BMAL2: variants seen among roughly 807,000 people sequenced by gnomAD.
BMAL2 encodes the protein basic helix-loop-helix ARNT-like protein 2.
chr12:27,397,629 A>T, the BMAL2 span, among the ~76,000 whole-genome samples: 2 of 152,220 alleles, frequency 1.3e-5, no homozygotes, highest in Admixed American at 6.5e-5. Flanking sequence ...AAGATTTTTT[A>T]AAAATAACAT....
the BMAL2 span, among the ~76,000 whole-genome samples, chr12:27,336,312 A>G: frequency 5.3e-5 from 8 of 152,076 alleles, no homozygotes; most frequent in Non-Finnish European, 1.0e-4. Flanking sequence ...TACTACCTGT[A>G]GTGGCTCCCC....
At chr12:27,409,487 A>C in the BMAL2 span, among the ~76,000 whole-genome samples, 1 of 152,264 alleles carries the variant, frequency 6.6e-6, no homozygotes, top group Non-Finnish European at 1.5e-5. Context: ...AAAAAGAAGA[A>C]ATGGGGAAAG....
At chr12:27,377,021 A>T in the BMAL2 span, among the ~76,000 whole-genome samples, 1 of 148,350 alleles carries the variant, frequency 6.7e-6, no homozygotes, top group African/African-American at 2.5e-5. Flanking sequence ...AAAAAAAAAA[A>T]AAAGAAACCC....
At chr12:27,412,078 G>A in the BMAL2 span, among the ~76,000 whole-genome samples, 1 of 152,172 alleles carries the variant, frequency 6.6e-6, no homozygotes, top group Non-Finnish European at 1.5e-5. Context: ...TGGATAACCA[G>A]TTTTCCCATA....
At chr12:27,415,210 G>A in the BMAL2 span, among the ~76,000 whole-genome samples, 1 of 152,210 alleles carries the variant, frequency 6.6e-6, no homozygotes, top group Non-Finnish European at 1.5e-5. Context: ...TGCTAGGAGA[G>A]TAGGTTTTAG....
the BMAL2 span, chr12:27,422,211 C>T: frequency 2.6e-5 from 4 of 152,112 alleles, no homozygotes; most frequent in Non-Finnish European, 5.9e-5. Context: ...CATATTTTCT[C>T]TCTCGTGCCT....
chr12:27,391,492 A>G, the BMAL2 span, among the ~76,000 whole-genome samples: 2 of 152,206 alleles, frequency 1.3e-5, no homozygotes, highest in Admixed American at 6.5e-5. Context: ...CAGTGCTGCA[A>G]TGAACATACA....
chr12:27,363,342 G>A, the BMAL2 span, among the ~76,000 whole-genome samples: 1 of 152,162 alleles, frequency 6.6e-6, no homozygotes, highest in African/African-American at 2.4e-5. Flanking sequence ...ATACCTAGGA[G>A]GGGAATGCCA....
At chr12:27,386,302 A>G in the BMAL2 span, among the ~76,000 whole-genome samples, 1 of 152,172 alleles carries the variant, frequency 6.6e-6, no homozygotes, top group African/African-American at 2.4e-5. Context: ...CAATCTGTAC[A>G]TGCTCGTCAG....
the BMAL2 span, among the ~76,000 whole-genome samples, chr12:27,377,797 TA>T: frequency 6.6e-6 from 1 of 152,132 alleles, no homozygotes; most frequent in Non-Finnish European, 1.5e-5. Context: ...TATGAGTAGA[TA>T]ACTGAATTTT....
chr12:27,373,977 A>G, the BMAL2 span, among the ~76,000 whole-genome samples: 4 of 152,232 alleles, frequency 2.6e-5, no homozygotes, highest in South Asian at 2.1e-4. Context: ...GATTTGTGCT[A>G]CAAACAAAGA....
At chr12:27,343,154 A>T in the BMAL2 span, among the ~76,000 whole-genome samples, 6,048 of 152,346 alleles carry the variant, frequency 0.04, 414 homozygotes, top group East Asian at 0.34. Flanking sequence ...TATTAAAGCC[A>T]TAAATATCAC....
At chr12:27,408,940 T>C in the BMAL2 span, among the ~76,000 whole-genome samples, 1 of 152,218 alleles carries the variant, frequency 6.6e-6, no homozygotes, top group African/African-American at 2.4e-5. Flanking sequence ...AGCATTCTTA[T>C]ACAACAATAA....
At chr12:27,371,378 A>G in the BMAL2 span, among the ~76,000 whole-genome samples, 6 of 152,264 alleles carry the variant, frequency 3.9e-5, no homozygotes, top group East Asian at 1.2e-3. Context: ...ACAGGAGAGA[A>G]GAAGAGAGTC....
At chr12:27,418,620 T>G in the BMAL2 span, among the ~76,000 whole-genome samples, 2 of 151,324 alleles carry the variant, frequency 1.3e-5, no homozygotes, top group African/African-American at 4.9e-5. Context: ...AAAAAGTAAA[T>G]AAATAAATAA....
the BMAL2 span, among the ~76,000 whole-genome samples, chr12:27,391,586 C>T: frequency 6.6e-6 from 1 of 152,208 alleles, no homozygotes; most frequent in African/African-American, 2.4e-5. Flanking sequence ...AATGGTAGCT[C>T]TATTTTAAGT....
the BMAL2 span, among the ~76,000 whole-genome samples, chr12:27,415,518 G>A: frequency 6.6e-6 from 1 of 152,052 alleles, no homozygotes; most frequent in South Asian, 2.1e-4. Flanking sequence ...CCTTACTCTT[G>A]GTTCTGCCAT....
chr12:27,396,397 C>A, the BMAL2 span, among the ~76,000 whole-genome samples: 1 of 152,262 alleles, frequency 6.6e-6, no homozygotes, highest in African/African-American at 2.4e-5. Context: ...CCTAACAGTT[C>A]TGTGCAGAGC....
At chr12:27,410,999 C>T in the BMAL2 span, among the ~76,000 whole-genome samples, 1 of 152,066 alleles carries the variant, frequency 6.6e-6, no homozygotes, top group South Asian at 2.1e-4. Context: ...AATAGACAAA[C>T]TATCTTAATG....
Sources: gnomAD v4.1 joint callset for allele counts (sites outside exome capture counted in the v4.1 genomes callset) on GRCh38, gnomAD v4.1.1 for gene constraint, MANE v1.5 for transcripts, NCBI Gene and HGNC (gene_info 2026-07-23, HGNC 2026-07-21) for gene names.